The following KCNMA1 variants were observed in gnomAD, a reference collection of about 807,000 sequenced individuals.
The protein encoded by KCNMA1 is Calcium-activated potassium channel subunit alpha-1.
In KCNMA1, 29 loss-of-function variants were observed where a neutral mutation model predicts 140.0. That is an observed-to-expected ratio of 0.21 (90% confidence interval 0.15 to 0.28). The LOEUF (loss-of-function observed/expected upper bound fraction) is 0.28, where lower values mean the gene tolerates loss of function less well. KCNMA1 is among the 10% of genes least tolerant of loss of function. The pLI is 1.00. For missense variants in KCNMA1, 880 were observed against 1,602.2 expected (o/e 0.55, Z 7.70); for synonymous variants, 612 against 611.9 (o/e 1.00, Z 0.00).
At chr10:77,432,737 T>C (rs1025035403) in intron 1 of KCNMA1, among the ~76,000 whole-genome samples, 2 of 152,200 alleles carry the variant, frequency 1.3e-5, no homozygotes, top group African/African-American at 2.4e-5. Flanking sequence ...TGGGACACTC[T>C]GGTCCCACTC....
intron 1 of KCNMA1, among the ~76,000 whole-genome samples, chr10:77,566,338 C>A (rs2068306515): frequency 6.6e-6 from 1 of 152,220 alleles, no homozygotes; most frequent in Non-Finnish European, 1.5e-5. Flanking sequence ...CCTGAAAAGT[C>A]CCTCGGCAGA....
intron 3 of KCNMA1, among the ~76,000 whole-genome samples, chr10:77,248,498 A>T (rs975416350): frequency 8.5e-5 from 13 of 152,184 alleles, no homozygotes; most frequent in African/African-American, 3.1e-4. Flanking sequence ...ACTAGCTACA[A>T]TTCATCTGGA....
At chr10:77,009,575 C>T (rs74140248) in intron 18 of KCNMA1, among the ~76,000 whole-genome samples, 1,630 of 152,254 alleles carry the variant, frequency 0.011, 22 homozygotes, top group African/African-American at 0.037. Flanking sequence ...CTAATGATGA[C>T]ATTTCCTCAC....
intron 1 of KCNMA1, chr10:77,587,125 A>G (rs1330967397): frequency 6.6e-6 from 1 of 152,158 alleles, no homozygotes; most frequent in Non-Finnish European, 1.5e-5. Flanking sequence ...CCCAGTTAAT[A>G]CTTGGATGGA....
At chr10:77,631,798 G>A (rs568360610) in intron 1 of KCNMA1, among the ~76,000 whole-genome samples, 1 of 152,172 alleles carries the variant, frequency 6.6e-6, no homozygotes, top group Non-Finnish European at 1.5e-5. Context: ...CAAACAGCAG[G>A]GGGCAGGCAG....
intron 1 of KCNMA1, among the ~76,000 whole-genome samples, chr10:77,516,470 G>A (rs1390903781): frequency 1.3e-5 from 2 of 152,242 alleles, no homozygotes; most frequent in Non-Finnish European, 2.9e-5. Flanking sequence ...AATGAGGGCA[G>A]GGCCTGCATC....
At chr10:77,029,797 A>G (rs2452333) in intron 15 of KCNMA1, among the ~76,000 whole-genome samples, 149,936 of 152,212 alleles carry the variant, frequency 0.99, 73,882 homozygotes, top group African/African-American at 1. Flanking sequence ...AAGAGCTCTG[A>G]GTGTTTGAGG....
In KCNMA1 at chr10:77,572,129, C is replaced by T. The variant is rs139092314; in HGVS notation, c.378+65136G>A. Reference sequence around the variant, plus strand: ...CTACAAAGACTGTAGAGACATTTCTCTCTGTCTCCGTATCTTTCTGGGTCA... The same window carrying T: ...CTACAAAGACTGTAGAGACATTTCTTTCTGTCTCCGTATCTTTCTGGGTCA... On this transcript the variant is annotated intron_variant, in intron 1 of 27. Transcript: ENST00000286628. Among the ~76,000 whole-genome samples, 6 of 152,292 alleles carry T rather than the reference C, an allele frequency of 3.9e-5. No individual in the cohort carries two copies. In the East Asian group the frequency reaches 1.2e-3, roughly 29 times the overall value.
At chr10:77,451,161 G>T (rs902382006) in intron 1 of KCNMA1, among the ~76,000 whole-genome samples, 1 of 152,132 alleles carries the variant, frequency 6.6e-6, no homozygotes, top group Non-Finnish European at 1.5e-5. Context: ...AGCCCTACTG[G>T]CTTAGCCTAG....
chr10:77,285,359 T>C lies in KCNMA1; in HGVS notation c.541-34103A>G, dbSNP rs1232709666. Among the ~76,000 whole-genome samples, 9 of 152,298 alleles carry C rather than the reference T, an allele frequency of 5.9e-5. No individual in the cohort carries two copies. The East Asian group carries it at 1.2e-3, about 20-fold the overall frequency. The stretch of plus-strand genomic sequence containing the variant: ...TTGGCATCTATGCAAGCCAAATATA[T>C]TCCAAATCCAAAAGCTTTGGCAATC... On this transcript the variant is annotated intron_variant, in intron 2 of 27. Coordinates refer to ENST00000286628, the MANE Select transcript of KCNMA1 (RefSeq NM_001161352.2).
In KCNMA1 at chr10:77,464,540, T is replaced by C. The variant is rs1250362726; in HGVS notation, c.379-60517A>G. On this transcript the variant is annotated intron_variant, in intron 1 of 27. Coordinates refer to ENST00000286628, the MANE Select transcript of KCNMA1 (RefSeq NM_001161352.2). The stretch of plus-strand genomic sequence containing the variant: ...ATGCTAAGTAAGCCAGAGCATTTCA[T>C]CTGGAAATCCCTGGTCTGGTGTTAC... Among the ~76,000 whole-genome samples, 3 of 152,126 alleles carry C rather than the reference T, an allele frequency of 2.0e-5. No individual in the cohort carries two copies. The East Asian group carries it at 5.8e-4, about 29-fold the overall frequency.
intron 5 of KCNMA1, among the ~76,000 whole-genome samples, chr10:77,175,359 A>C (rs1362110916): frequency 6.6e-6 from 1 of 152,212 alleles, no homozygotes; most frequent in Non-Finnish European, 1.5e-5. Context: ...TCAGAGAATG[A>C]CTGTGAGATG....
chr10:77,204,107 A>G (rs1337491427), intron 3 of KCNMA1, among the ~76,000 whole-genome samples: 1 of 151,984 alleles, frequency 6.6e-6, no homozygotes, highest in African/African-American at 2.4e-5. Flanking sequence ...GGAAAAAAAA[A>G]AAAAAGAAAG....
chr10:76,914,233 G>A (rs2051682053), intron 24 of KCNMA1: 3 of 913,314 alleles, frequency 3.3e-6, no homozygotes, highest in Non-Finnish European at 5.2e-6. Flanking sequence ...ACATTCTCAA[G>A]TAAAGGGACC....
At chr10:77,225,729 G>A (rs2051143033) in intron 3 of KCNMA1, among the ~76,000 whole-genome samples, 1 of 152,220 alleles carries the variant, frequency 6.6e-6, no homozygotes, top group Admixed American at 6.5e-5. Flanking sequence ...GAGGAGACAG[G>A]AACTGGGAGC....
rs185459514 is a variant in KCNMA1 at position 77,299,063 on chromosome 10, C to T, written c.541-47807G>A. Reference sequence around the variant, plus strand: ...AGTGCTGGTTTCATAGTAGTTCAGTCGTACTGCACAGGTGAGCTAGGGGGC... The same window carrying T: ...AGTGCTGGTTTCATAGTAGTTCAGTTGTACTGCACAGGTGAGCTAGGGGGC... On this transcript the variant is annotated intron_variant, in intron 2 of 27. Coordinates refer to ENST00000286628, the MANE Select transcript of KCNMA1 (RefSeq NM_001161352.2). Among the ~76,000 whole-genome samples the T allele has an allele frequency of 1.1e-3, 167 of 152,264 alleles. 1 individual carries two copies. Among genetic ancestry groups the T allele is most frequent in the African/African-American group, 3.9e-3 (160 of 41,530 alleles).
rs1183311699 is a variant in KCNMA1 at position 77,025,242 on chromosome 10, GTATATATATATATATATATATATATA to G, written c.1928+2555_1928+2580del. On this transcript the variant is annotated intron_variant, in intron 16 of 27. Transcript: ENST00000286628. Reference sequence around the variant, plus strand: ...ACTCTAGTTGGAGAGGGGTGTGTGTGTATATATATATATATATATATATATATATATATATATATACACACACACAT... The same window carrying G: ...ACTCTAGTTGGAGAGGGGTGTGTGTGTATATATATATATACACACACACAT... Among the ~76,000 whole-genome samples, 46 of 42,770 alleles carry G rather than the reference GTATATATATATATATATATATATATA, an allele frequency of 1.1e-3. 1 individual carries two copies. The highest frequency in any genetic ancestry group is 3.2e-3 in the African/African-American group (42 of 13,106). 28.1% of individuals were successfully genotyped at this position (42,770 alleles called of 152,430 possible).
chr10:77,268,885 T>C (rs2064179846), intron 2 of KCNMA1, among the ~76,000 whole-genome samples: 1 of 152,124 alleles, frequency 6.6e-6, no homozygotes, highest in African/African-American at 2.4e-5. Context: ...CACGCCTCAG[T>C]AGTGACTGAA....
At chr10:77,543,277 T>C (rs2060620981) in intron 1 of KCNMA1, among the ~76,000 whole-genome samples, 1 of 152,100 alleles carries the variant, frequency 6.6e-6, no homozygotes, top group South Asian at 2.1e-4. Flanking sequence ...TGTTCCCCTA[T>C]AATGCTCCCA....
Sources: gnomAD v4.1 joint callset for allele counts (sites outside exome capture counted in the v4.1 genomes callset) on GRCh38, gnomAD v4.1.1 for gene constraint, MANE v1.5 for transcripts, NCBI Gene and HGNC (gene_info 2026-07-23, HGNC 2026-07-21) for gene names.